Variants in ZNF134 observed in about 807,000 individuals in gnomAD.
The protein encoded by ZNF134 is zinc finger protein 134, also known as zinc finger protein 134 (clone pHZ-15).
Under a neutral mutation model 2.5 loss-of-function variants are expected in ZNF134, and 5 were observed. That is an observed-to-expected ratio of 2.03 (90% CI 1.06 to 4.27). The LOEUF (loss-of-function observed/expected upper bound fraction) is 4.27, where lower values mean the gene tolerates loss of function less well. Among genes scored for constraint, ZNF134 ranks in the 30% most tolerant of loss-of-function variants. The pLI, the probability that ZNF134 is intolerant of heterozygous loss-of-function variation, is 0.00. For missense variants in ZNF134, 540 were observed against 517.5 expected (o/e 1.04, Z -0.42); for synonymous variants, 176 against 176.2 (o/e 1.00, Z 0.01).
intron 1 of ZNF134, among the ~76,000 whole-genome samples, chr19:57,616,885 T>C (rs1981065220): frequency 6.6e-6 from 1 of 152,172 alleles, no homozygotes; most frequent in Non-Finnish European, 1.5e-5. Flanking sequence ...TCTGGGACTC[T>C]TCAGTGTCCC....
chr19:57,617,452 C>G (rs1351158635), intron 1 of ZNF134, among the ~76,000 whole-genome samples: 1 of 152,070 alleles, frequency 6.6e-6, no homozygotes, highest in African/African-American at 2.4e-5. Flanking sequence ...AAGGAAGACC[C>G]TGGATTTTTT....
At position 57,619,397 on chromosome 19, in the gene ZNF134, CT is replaced by C; in HGVS notation, c.-57-12del. 1 of 1,552,274 alleles carries C rather than the reference CT, an allele frequency of 6.4e-7. No individual in the cohort carries two copies. On this transcript the variant is annotated splice_polypyrimidine_tract_variant and intron_variant, in intron 1 of 2. Transcript: ENST00000396161. ...CAGCCTGTTTCACCTTTCCCCTATG[CT>C]TTGTATCTTCCAGATCCTCTGTGGT...
At chr19:57,619,033 A>C (rs1377225077) in intron 1 of ZNF134, among the ~76,000 whole-genome samples, 1 of 151,970 alleles carries the variant, frequency 6.6e-6, no homozygotes, top group Non-Finnish European at 1.5e-5. Context: ...AGCTAGATGC[A>C]TTGGCCCCTC....
At chr19:57,618,932 C>T (rs991572456) in intron 1 of ZNF134, 1 of 156,952 alleles carries the variant, frequency 6.4e-6, no homozygotes, top group African/African-American at 2.4e-5. Context: ...CCTTTTTGCC[C>T]TAGGGGTTGC....
chr19:57,620,885 G>A lies in ZNF134; in HGVS notation c.766G>A (p.Gly256Arg). Reference sequence around the variant, plus strand: ...TACTCAGCACAAGAGAATCCACACTGGAGAAATGCCTTATAAGTGCAATGA... The same window carrying A: ...TACTCAGCACAAGAGAATCCACACTAGAGAAATGCCTTATAAGTGCAATGA... ...NLTQHKRIHT[G>R]EMPYKCNECG... is the part of the protein sequence containing the mutation. The change falls in exon 3 of 3, where the codon GGA (glycine) becomes AGA (arginine). Residue 256 changes from glycine to arginine, a missense_variant. Physicochemically the swap from Gly to Arg is moderately radical, Grantham distance 125. Coordinates refer to ENST00000396161, the MANE Select transcript of ZNF134 (RefSeq NM_003435.5). 6.2e-7 allele frequency: 1 copy of A among 1,614,196 alleles called. No homozygotes were observed. Among genetic ancestry groups the A allele is most frequent in the Non-Finnish European group, 8.5e-7 (1 of 1,180,042 alleles).
At chr19:57,614,751 T>C (rs941698158) in intron 1 of ZNF134, among the ~76,000 whole-genome samples, 2 of 152,116 alleles carry the variant, frequency 1.3e-5, no homozygotes, top group African/African-American at 4.8e-5. Context: ...AGTTGCTCCT[T>C]CATTGCGAGG....
In ZNF134 at chr19:57,620,824, C is replaced by T. The variant is rs376842871; in HGVS notation, c.705C>T (p.Ser235=). ...CTGGAGAAAGGCCTTATGAATGCAG[C>T]GAATGTGGAAAAACCTTCAGTCGAA... is the stretch of plus-strand genomic sequence containing the variant. ...IHTGERPYEC[S]ECGKTFSRKD... The change falls in exon 3 of 3, where the codon AGC becomes AGT. Residue 235 remains serine (S), a synonymous_variant. Coordinates refer to ENST00000396161, the MANE Select transcript of ZNF134 (RefSeq NM_003435.5). The T allele has an allele frequency of 6.7e-5, 108 of 1,613,912 alleles. 1 individual carries two copies. Among genetic ancestry groups the T allele is most frequent in the Middle Eastern group, 1.6e-4 (1 of 6,084 alleles).
At chr19:57,618,572 G>C (rs1285418616) in intron 1 of ZNF134, among the ~76,000 whole-genome samples, 1 of 152,148 alleles carries the variant, frequency 6.6e-6, no homozygotes, top group East Asian at 1.9e-4. Context: ...CTACATACCA[G>C]GCCCATGGTG....
chr19:57,619,282 C>T (rs1319733760), intron 1 of ZNF134, 130 bp from the exon 2 acceptor site: 5 of 724,418 alleles, frequency 6.9e-6, no homozygotes, highest in African/African-American at 1.7e-5. Flanking sequence ...GCCCACTGCA[C>T]TGTTCCTGCA....
In ZNF134 at chr19:57,620,452, T is replaced by G; in HGVS notation, c.333T>G (p.Ser111Arg). 6.2e-7 allele frequency: 1 copy of G among 1,614,172 alleles called. No individual in the cohort carries two copies. Among genetic ancestry groups the G allele is most frequent in the Non-Finnish European group, 8.5e-7 (1 of 1,180,026 alleles). The change falls in exon 3 of 3, where the codon AGT becomes AGG. Residue 111 changes from serine to arginine, a missense_variant. By Grantham distance (110) the Ser-to-Arg change is moderately radical. Transcript: ENST00000396161. ...SIEQPLRRDK[S>R]EASIVKNCTV... is the part of the protein sequence containing the mutation. ...AGCAACCCTTAAGAAGGGATAAAAG[T>G]GAGGCCTCAATTGTGAAGAACTGCA...
intron 1 of ZNF134, among the ~76,000 whole-genome samples, chr19:57,615,162 G>A (rs1981016852): frequency 6.6e-6 from 1 of 152,072 alleles, no homozygotes; most frequent in Admixed American, 6.5e-5. Flanking sequence ...ACGTTTCAGG[G>A]GCATCAGGAA....
At chr19:57,619,349 TG>T in intron 1 of ZNF134, 62 bp from the exon 2 acceptor site, 2 of 1,279,854 alleles carry the variant, frequency 1.6e-6, no homozygotes, top group Non-Finnish European at 2.2e-6. Context: ...TTTGCATGGG[TG>T]GGCTACTCTG....
chr19:57,617,926 G>C (rs1291964777), intron 1 of ZNF134, among the ~76,000 whole-genome samples: 2 of 152,196 alleles, frequency 1.3e-5, no homozygotes, highest in Non-Finnish European at 2.9e-5. Flanking sequence ...AGGTGGCAGT[G>C]AGGCCAGAGC....
chr19:57,614,442 T>G lies in ZNF134; in HGVS notation c.-119T>G, dbSNP rs1453573649. On this transcript the variant is annotated 5_prime_UTR_variant, in exon 1 of 3. Transcript: ENST00000396161. ...CAGGGTCCCGCGACCTGGGACCCCC[T>G]CGCGGCTCCGGGTGGTCTACGAACT... The G allele has an allele frequency of 2.3e-6, 1 of 443,122 alleles. No individual in the cohort carries two copies. The allele number at this position is 443,122 out of a possible 1,614,324, so 27.4% of individuals were successfully genotyped here.
At position 57,620,631 on chromosome 19, in the gene ZNF134, G is replaced by A. The variant is rs1298225359; in HGVS notation, c.512G>A (p.Gly171Asp). The A allele has an allele frequency of 5.6e-6, 9 of 1,614,098 alleles. No homozygotes were observed. The highest frequency in any genetic ancestry group is 1.7e-6 in the Non-Finnish European group (2 of 1,180,050). Residue 171 changes from glycine (G) to aspartate (D), a missense_variant, in exon 3 of 3, where the codon GGT (glycine) becomes GAT (aspartate). Physicochemically the swap from Gly to Asp is moderately conservative, Grantham distance 94. Transcript: ENST00000396161. The part of the protein sequence containing the change: ...RSTESGDAFH[G>D]EQMHYKCSEC... ...ACTGAGAGTGGGGATGCATTTCATGGTGAACAAATGCATTACAAGTGCAGT... is the reference window on the plus strand; with the variant it reads ...ACTGAGAGTGGGGATGCATTTCATGATGAACAAATGCATTACAAGTGCAGT...
At position 57,621,827 on chromosome 19, in the gene ZNF134, A is replaced by G. The variant is rs553831917; in HGVS notation, c.*424A>G. 144 of 308,386 alleles carry G rather than the reference A, an allele frequency of 4.7e-4. 2 individuals are homozygous for G. Among genetic ancestry groups the G allele is most frequent in the South Asian group, 3.7e-3 (122 of 32,712 alleles). The allele number at this position is 308,386 out of a possible 1,614,324, so 19.1% of individuals were successfully genotyped here. ...GATATTCTTGGTCTCACATACTTGT[A>G]ATCAAGTTTTTCCAGCCTCCAAGTC... On this transcript the variant is annotated 3_prime_UTR_variant, in exon 3 of 3. Transcript: ENST00000396161.
rs1471038516 is a variant in ZNF134 at position 57,621,574 on chromosome 19, A to G, written c.*171A>G. The stretch of plus-strand genomic sequence containing the variant: ...GCCAGAGTTATGTCACTGTCAATCC[A>G]TGTGGCCGAAACCATCTTAACTCTA... On this transcript the variant is annotated 3_prime_UTR_variant, in exon 3 of 3. Transcript: ENST00000396161. The G allele has an allele frequency of 2.0e-6, 2 of 1,016,430 alleles. No individual in the cohort carries two copies. Among genetic ancestry groups the G allele is most frequent in the African/African-American group, 3.1e-5 (2 of 63,790 alleles). The allele number at this position is 1,016,430 out of a possible 1,614,324, so 63.0% of individuals were successfully genotyped here.
rs746659615 is a variant in ZNF134 at position 57,621,246 on chromosome 19, A to G, written c.1127A>G (p.Lys376Arg). ...HTGERPFVCSKCGKDFIRTSH... is the reference protein window; with the variant it reads ...HTGERPFVCSRCGKDFIRTSH... The stretch of plus-strand genomic sequence containing the variant: ...GGTGAAAGGCCTTTTGTGTGCAGTA[A>G]ATGTGGGAAAGACTTTATCAGAACC... Residue 376 changes from lysine to arginine, a missense_variant, in exon 3 of 3, where the codon AAA (lysine) becomes AGA (arginine). By Grantham distance (26) the Lys-to-Arg change is conservative. Transcript: ENST00000396161. 1 of 1,614,156 alleles carries G rather than the reference A, an allele frequency of 6.2e-7. No homozygotes were observed. The highest frequency in any genetic ancestry group is 1.1e-5 in the South Asian group (1 of 91,084).
At position 57,620,196 on chromosome 19, in the gene ZNF134, C is replaced by A. The variant is rs1302560589; in HGVS notation, c.77C>A (p.Ser26Tyr). The change falls in exon 3 of 3, where the codon TCT becomes TAT. Residue 26 changes from serine to tyrosine, a missense_variant. Physicochemically the swap from Ser to Tyr is moderately radical, Grantham distance 144. Transcript: ENST00000396161. ...WHEVKDEESS[S>Y]EQSISIAVSH... ...GAAGTGAAGGATGAAGAGTCATCTT[C>A]TGAACAGAGCATTTCTATAGCAGTG... The A allele has an allele frequency of 1.2e-6, 2 of 1,614,128 alleles. No individual in the cohort carries two copies. The highest frequency in any genetic ancestry group is 3.3e-5 in the Admixed American group (2 of 60,018).
Sources: gnomAD v4.1 joint callset for allele counts (sites outside exome capture counted in the v4.1 genomes callset) on GRCh38, gnomAD v4.1.1 for gene constraint, MANE v1.5 for transcripts, NCBI Gene and HGNC (gene_info 2026-07-23, HGNC 2026-07-21) for gene names.